The following SLIT3 variants were observed in gnomAD, a reference collection of about 807,000 sequenced individuals.
SLIT3 encodes slit homolog 3 protein.
A neutral mutation model predicts 184.0 loss-of-function variants in SLIT3; 68 were observed. The observed-to-expected ratio is 0.37, with a 90% CI of 0.30 to 0.45. The LOEUF (loss-of-function observed/expected upper bound fraction) is 0.45. Among genes scored for constraint, SLIT3 ranks in the 20% least tolerant of loss-of-function variants. The pLI, the probability that SLIT3 is intolerant of heterozygous loss-of-function variation, is 1.00. For missense variants in SLIT3, 1,707 were observed against 2,026.0 expected, an observed-to-expected ratio of 0.84 and a Z score of 3.02; for synonymous variants, 831 against 828.6, an observed-to-expected ratio of 1.00 and a Z score of -0.05.
At chr5:168,677,405 G>A (rs1465719736) in intron 32 of SLIT3, among the ~76,000 whole-genome samples, 1 of 152,066 alleles carries the variant, frequency 6.6e-6, no homozygotes, top group East Asian at 1.9e-4. Flanking sequence ...GCCTCCCAAA[G>A]TGCTGGGGTT....
At chr5:169,004,128 AC>A (rs1755822569) in intron 4 of SLIT3, among the ~76,000 whole-genome samples, 1 of 151,924 alleles carries the variant, frequency 6.6e-6, no homozygotes, top group Non-Finnish European at 1.5e-5. Flanking sequence ...AATTGAAAGG[AC>A]TTTTGGCTAG....
At chr5:168,727,826 C>T (rs984011192) in intron 20 of SLIT3, among the ~76,000 whole-genome samples, 1 of 152,164 alleles carries the variant, frequency 6.6e-6, no homozygotes, top group Admixed American at 6.5e-5. Flanking sequence ...AGGCTCTGCT[C>T]TGTGCAGGCT....
chr5:169,071,651 C>G (rs920415074), intron 4 of SLIT3, among the ~76,000 whole-genome samples: 1 of 152,152 alleles, frequency 6.6e-6, no homozygotes, highest in Non-Finnish European at 1.5e-5. Context: ...TTGTGGCAGT[C>G]CTTTGACATG....
chr5:168,898,914 C>T (rs1249036221), intron 4 of SLIT3, among the ~76,000 whole-genome samples: 1 of 152,176 alleles, frequency 6.6e-6, no homozygotes, highest in African/African-American at 2.4e-5. Context: ...AGCCTCCACC[C>T]TGACAAAAGC....
In SLIT3 at chr5:168,900,634, CAAAACAAAACAAA is replaced by C. The variant is rs1346213783; in HGVS notation, c.414-17311_414-17299del. On this transcript the variant is annotated intron_variant, in intron 4 of 35. Coordinates refer to ENST00000519560, the MANE Select transcript of SLIT3 (RefSeq NM_003062.4). ...CTGTCTCAAACAAAACAAAACAAAA[CAAAACAAAACAAA>C]AACAATTGCACTTGTATGTTTATCT... Among the ~76,000 whole-genome samples, 16 of 142,560 alleles carry C rather than the reference CAAAACAAAACAAA, an allele frequency of 1.1e-4. No individual in the cohort carries two copies. The South Asian group carries it at 3.6e-3, about 32-fold the overall frequency. 93.5% of individuals were successfully genotyped at this position (142,560 alleles called of 152,430 possible). A position where few individuals can be genotyped will look rare whatever the true frequency, so the allele number is the denominator to read the frequency against.
At chr5:168,850,943 G>A (rs1758646031) in intron 5 of SLIT3, among the ~76,000 whole-genome samples, 1 of 152,136 alleles carries the variant, frequency 6.6e-6, no homozygotes, top group South Asian at 2.1e-4. Flanking sequence ...CCACTTCTGT[G>A]TTTACATACT....
At chr5:168,872,905 G>C (rs2113769900) in intron 5 of SLIT3, among the ~76,000 whole-genome samples, 1 of 152,222 alleles carries the variant, frequency 6.6e-6, no homozygotes, top group Admixed American at 6.5e-5. Context: ...CTCCCAAAGT[G>C]CTGGGATTAC....
chr5:168,711,053 A>G lies in SLIT3; in HGVS notation c.2561T>C (p.Leu854Pro). ...NDLTSLSHLA[L>P]GTNPLHCDCS... ...GTCACAGTGGAGTGGGTTGGTTCCC[A>G]GCGCCCTAGGAGGCAGAACAGGAAG... The change falls in exon 25 of 36, where the codon CTG becomes CCG. Residue 854 changes from leucine to proline, a missense_variant. Leu to Pro is a moderately conservative substitution (Grantham distance 98, BLOSUM62 -3). This residue lies in a region of SLIT3 where 1,307 missense variants were observed against 1,511.6 expected (regional missense o/e 0.86). Transcript: ENST00000519560. 1 of 1,580,130 alleles carries G rather than the reference A, an allele frequency of 6.3e-7. No individual in the cohort carries two copies. The highest frequency in any genetic ancestry group is 8.6e-7 in the Non-Finnish European group (1 of 1,161,510).
At position 168,684,007 on chromosome 5, in the gene SLIT3, C is replaced by A; in HGVS notation, c.3645G>T (p.Leu1215=). The change falls in exon 32 of 36, where the codon CTG becomes CTT. Residue 1215 remains leucine, a synonymous_variant. Transcript: ENST00000519560. ...GAGGGGAACTCAGGCTGTCATAGAC[C>A]AGCCGCACGTGGCCCTGGTACAGCT... The part of the protein sequence containing the change: ...ALELYQGHVR[L]VYDSLSSPPT... 1 of 1,605,494 alleles carries A rather than the reference C, an allele frequency of 6.2e-7. No homozygotes were observed. Among genetic ancestry groups the A allele is most frequent in the Non-Finnish European group, 8.5e-7 (1 of 1,175,416 alleles).
Position 168,717,078 on chromosome 5 carries a change from A to G in SLIT3, c.2484-4724T>C, listed in dbSNP as rs551915585. On this transcript the variant is annotated intron_variant, in intron 23 of 35. Coordinates refer to ENST00000519560, the MANE Select transcript of SLIT3 (RefSeq NM_003062.4). The stretch of plus-strand genomic sequence containing the variant: ...CCGGCCTAGAATGTTCTTCACTCCC[A>G]TCCCTACTTAGGTAACCCCCTCTGG... Among the ~76,000 whole-genome samples the G allele has an allele frequency of 3.2e-5, 4 of 124,420 alleles. No individual in the cohort carries two copies. In the East Asian group the frequency reaches 6.4e-4, roughly 20 times the overall value. The allele number at this position is 124,420 out of a possible 152,430, so 81.6% of individuals were successfully genotyped here.
At chr5:168,852,043 A>G (rs1226252752) in intron 5 of SLIT3, among the ~76,000 whole-genome samples, 2 of 152,198 alleles carry the variant, frequency 1.3e-5, no homozygotes, top group South Asian at 4.1e-4. Context: ...TGTAAGAAGT[A>G]TCAGTGTTTT....
At chr5:169,045,453 G>A (rs552933405) in intron 4 of SLIT3, among the ~76,000 whole-genome samples, 62 of 150,840 alleles carry the variant, frequency 4.1e-4, no homozygotes, top group Non-Finnish European at 7.8e-4. Context: ...AAAGAACTGA[G>A]ATGATGTAGT....
chr5:168,770,794 G>A (rs557557374), intron 14 of SLIT3, among the ~76,000 whole-genome samples: 5 of 152,174 alleles, frequency 3.3e-5, no homozygotes, highest in African/African-American at 7.2e-5. Flanking sequence ...CAGGTAGGAC[G>A]ATAGTGGCAG....
At chr5:169,017,970 A>T (rs1411157755) in intron 4 of SLIT3, 1 of 152,222 alleles carries the variant, frequency 6.6e-6, no homozygotes, top group East Asian at 1.9e-4. Context: ...CTTGCTGACG[A>T]GGTTATGGTT....
chr5:169,096,391 G>A (rs971358049), intron 4 of SLIT3, among the ~76,000 whole-genome samples: 4 of 152,156 alleles, frequency 2.6e-5, no homozygotes, highest in Non-Finnish European at 5.9e-5. Context: ...TTAGAGCAGG[G>A]GTTAGCAAAT....
At chr5:169,190,833 T>C (rs888454962) in intron 4 of SLIT3, among the ~76,000 whole-genome samples, 2 of 152,184 alleles carry the variant, frequency 1.3e-5, no homozygotes, top group African/African-American at 4.8e-5. Context: ...TATTGATTTC[T>C]AATTTGTACC....
At chr5:168,887,985 CA>C (rs1173258617) in intron 4 of SLIT3, among the ~76,000 whole-genome samples, 1 of 152,110 alleles carries the variant, frequency 6.6e-6, no homozygotes, top group Non-Finnish European at 1.5e-5. Flanking sequence ...GTCATCTAGA[CA>C]GGGGTAGCCA....
At chr5:168,888,558 A>G (rs1760313024) in intron 4 of SLIT3, among the ~76,000 whole-genome samples, 1 of 152,232 alleles carries the variant, frequency 6.6e-6, no homozygotes, top group South Asian at 2.1e-4. Context: ...AAGACGGCAT[A>G]TCTAGGACCA....
intron 6 of SLIT3, 56 bp from the exon 7 acceptor site, chr5:168,823,387 G>A: frequency 7.8e-7 from 1 of 1,277,230 alleles, no homozygotes; most frequent in Non-Finnish European, 1.1e-6. Context: ...GAGGCACCAA[G>A]ATGCTTGTAG....
Sources: gnomAD v4.1 joint callset for allele counts (sites outside exome capture counted in the v4.1 genomes callset) on GRCh38, gnomAD v4.1.1 for gene constraint, gnomAD v4.1.1 regional missense constraint, MANE v1.5 for transcripts, NCBI Gene and HGNC (gene_info 2026-07-23, HGNC 2026-07-21) for gene names.